The following NCAPD2 variants were observed in gnomAD, a reference collection of about 807,000 sequenced individuals.
NCAPD2 encodes non-SMC condensin I complex subunit D2, also known as condensin complex subunit 1.
Under a neutral mutation model 164.5 loss-of-function variants are expected in NCAPD2, and 100 were observed. The observed-to-expected ratio is 0.61, with a 90% confidence interval of 0.52 to 0.72. The LOEUF is 0.72. Among genes scored for constraint, NCAPD2 ranks in the 30% least tolerant of loss-of-function variants. NCAPD2 has a pLI of 0.00. For missense variants in NCAPD2, 1,560 were observed against 1,749.2 expected, an observed-to-expected ratio of 0.89 and a Z score of 1.93; for synonymous variants, 585 against 642.6, an observed-to-expected ratio of 0.91 and a Z score of 1.36.
At chr12:6,507,038 T>G (rs1946105199) in intron 2 of NCAPD2, among the ~76,000 whole-genome samples, 1 of 152,264 alleles carries the variant, frequency 6.6e-6, no homozygotes, top group African/African-American at 2.4e-5. Flanking sequence ...AGAATTTGGC[T>G]TCTACATACC....
At chr12:6,494,929 G>A in intron 1 of NCAPD2, 147 bp from the exon 2 acceptor site, 1 of 688,686 alleles carries the variant, frequency 1.5e-6, no homozygotes, top group Non-Finnish European at 2.4e-6. Context: ...TATGTTGGGG[G>A]TGGGGAACTA....
Position 6,514,765 on chromosome 12 carries a change from C to A in NCAPD2, c.840-8C>A. On this transcript the variant is annotated splice_region_variant and splice_polypyrimidine_tract_variant and intron_variant, in intron 8 of 31. Transcript: ENST00000315579. ...TGTTGCTATGGCTGTGTTTTCTTCC[C>A]TGTGTAGAGAGATTGGACAAAAGTG... is the stretch of plus-strand genomic sequence containing the variant. 6.2e-7 allele frequency: 1 copy of A among 1,614,026 alleles called. No homozygotes were observed. Among genetic ancestry groups the A allele is most frequent in the Non-Finnish European group, 8.5e-7 (1 of 1,179,934 alleles).
chr12:6,503,743 C>A (rs1346241846), intron 2 of NCAPD2, among the ~76,000 whole-genome samples: 2 of 149,502 alleles, frequency 1.3e-5, no homozygotes, highest in Non-Finnish European at 2.9e-5. Context: ...TGCACTTCAG[C>A]CTGGGTGACA....
rs779596854 is a variant in NCAPD2 at position 6,514,894 on chromosome 12, A to G, written c.961A>G (p.Ile321Val). ...VPAILMSSMC[I>V]LLDHLDGENY... ...AGCTATCCTGATGTCCAGCATGTGC[A>G]TTTTGCTAGATCACCTGGATGGAGA... The change falls in exon 9 of 32, where the codon ATT becomes GTT. Residue 321 changes from isoleucine to valine, a missense_variant. Coordinates refer to ENST00000315579, the MANE Select transcript of NCAPD2 (RefSeq NM_014865.4). 3.1e-6 allele frequency: 5 copies of G among 1,614,170 alleles called. No individual in the cohort carries two copies. In the South Asian group the frequency reaches 5.5e-5, roughly 18 times the overall value.
chr12:6,523,039 A>G, intron 16 of NCAPD2, 37 bp downstream of exon 16: 1 of 1,609,414 alleles, frequency 6.2e-7, no homozygotes, highest in Non-Finnish European at 8.5e-7. Flanking sequence ...GACTTTTCCA[A>G]GGTCAGCTTC....
rs1286710382 is a variant in NCAPD2, at chr12:6,529,693, G to C, written c.3654-82G>C. 12 of 1,601,172 alleles carry C rather than the reference G, an allele frequency of 7.5e-6. No homozygotes were observed. The Admixed American group carries it at 2.0e-4, about 27-fold the overall frequency. On this transcript the variant is annotated intron_variant, in intron 28 of 31. Coordinates refer to ENST00000315579, the MANE Select transcript of NCAPD2 (RefSeq NM_014865.4). ...TCAATGCCCCCACTGTGGCATCCCT[G>C]GGACTGGGGAGGCTGATGGGGAAGG...
At chr12:6,506,930 G>A (rs1375209551) in intron 2 of NCAPD2, among the ~76,000 whole-genome samples, 1 of 152,148 alleles carries the variant, frequency 6.6e-6, no homozygotes, top group Non-Finnish European at 1.5e-5. Flanking sequence ...CGTATTGTTC[G>A]AAGATTAATT....
At chr12:6,495,267 G>A (rs1343903413) in intron 2 of NCAPD2, 42 bp downstream of exon 2, 1 of 1,606,952 alleles carries the variant, frequency 6.2e-7, no homozygotes, top group Non-Finnish European at 8.5e-7. Flanking sequence ...TCTTTCAAAG[G>A]ACCATCTCAC....
chr12:6,530,996 G>T lies in NCAPD2; in HGVS notation c.4040G>T (p.Arg1347Leu). ...ACACCAGAGCCCCGCCGTACTACCC[G>T]TCGGCATCCAAACACCCAGCAGCGA... ...FVTPEPRRTTRRHPNTQQRAS... is the reference protein window; with the variant it reads ...FVTPEPRRTTLRHPNTQQRAS... Residue 1347 changes from arginine to leucine, a missense_variant, in exon 31 of 32, where the codon CGT (arginine) becomes CTT (leucine). Physicochemically the swap from Arg to Leu is moderately radical, Grantham distance 102. Coordinates refer to ENST00000315579, the MANE Select transcript of NCAPD2 (RefSeq NM_014865.4). The T allele has an allele frequency of 6.2e-7, 1 of 1,614,112 alleles. No individual in the cohort carries two copies. The highest frequency in any genetic ancestry group is 1.1e-5 in the South Asian group (1 of 91,072).
At chr12:6,508,648 C>T (rs1226584186) in intron 2 of NCAPD2, among the ~76,000 whole-genome samples, 1 of 152,128 alleles carries the variant, frequency 6.6e-6, no homozygotes, top group Non-Finnish European at 1.5e-5. Flanking sequence ...TTCATGGATG[C>T]TTCAATTAGT....
At chr12:6,501,227 A>AT (rs71067121) in intron 2 of NCAPD2, among the ~76,000 whole-genome samples, 3,515 of 69,156 alleles carry the variant, frequency 0.051, 257 homozygotes, top group East Asian at 0.14. Flanking sequence ...CGCCTGGCTA[A>AT]TTTTTTTTTT....
chr12:6,501,890 T>G (rs1172723383), intron 2 of NCAPD2, among the ~76,000 whole-genome samples: 1 of 152,182 alleles, frequency 6.6e-6, no homozygotes, highest in Non-Finnish European at 1.5e-5. Flanking sequence ...ACTACTGGAT[T>G]TATTGATGTC....
intron 4 of NCAPD2, 151 bp from the exon 5 acceptor site, chr12:6,510,478 A>G: frequency 1.1e-6 from 1 of 917,112 alleles, no homozygotes; most frequent in Non-Finnish European, 1.8e-6. Context: ...TATCAGGGCC[A>G]AGGGTCCTAA....
chr12:6,517,963 G>C lies in NCAPD2; in HGVS notation c.1589+4G>C. ...TGCTTGCCAAAGCTAGTTACAAGTA[G>C]GCAAAAGAATGGGATATTCTTCGTG... On this transcript the variant is annotated splice_donor_region_variant and intron_variant, in intron 13 of 31. Transcript: ENST00000315579. 6.2e-7 allele frequency: 1 copy of C among 1,612,874 alleles called. No homozygotes were observed. Among genetic ancestry groups the C allele is most frequent in the Non-Finnish European group, 8.5e-7 (1 of 1,179,682 alleles).
In NCAPD2 at chr12:6,531,761, A is replaced by G. The variant is rs1031187386; in HGVS notation, c.*349A>G. 1 of 296,912 alleles carries G rather than the reference A, an allele frequency of 3.4e-6. No individual in the cohort carries two copies. Among genetic ancestry groups the G allele is most frequent in the Non-Finnish European group, 6.5e-6 (1 of 153,926 alleles). The allele number at this position is 296,912 out of a possible 1,614,324, so 18.4% of individuals were successfully genotyped here. A position where few individuals can be genotyped will look rare whatever the true frequency, so the allele number is the denominator to read the frequency against. ...GGAGGTTGTAGTGAGCCGAAATCAC[A>G]CCATTGCACTCCAGCTTGGGCAACA... is the stretch of plus-strand genomic sequence containing the variant. On this transcript the variant is annotated 3_prime_UTR_variant, in exon 32 of 32. Coordinates refer to ENST00000315579, the MANE Select transcript of NCAPD2 (RefSeq NM_014865.4). This position sits in a 1 kb window ranked among gnomAD's most constrained non-coding sequence, Gnocchi z 4.1.
At position 6,511,096 on chromosome 12, in the gene NCAPD2, A is replaced by T. The variant is rs769809532; in HGVS notation, c.445-14A>T. ...CCCTTATTTTTTCCTCAATGTATAC[A>T]TGATCCTTTTTAGGGTAAGAAAGCT... On this transcript the variant is annotated splice_polypyrimidine_tract_variant and intron_variant, in intron 5 of 31. Transcript: ENST00000315579. 47 of 1,613,356 alleles carry T rather than the reference A, an allele frequency of 2.9e-5. No homozygotes were observed. The South Asian group carries it at 4.8e-4, about 17-fold the overall frequency.
chr12:6,512,485 C>T (rs575909990), intron 6 of NCAPD2, among the ~76,000 whole-genome samples: 23 of 152,312 alleles, frequency 1.5e-4, no homozygotes, highest in Admixed American at 1.3e-3. Flanking sequence ...ATGTCCAGCA[C>T]GTACGAGCAA....
At position 6,522,910 on chromosome 12, in the gene NCAPD2, G is replaced by T. The variant is rs558905248; in HGVS notation, c.2037G>T (p.Leu679=). ...PQALFGVRRM[L]PLIWSKEPGV... is the part of the protein sequence containing the mutation. ...CCCTGTTTGGGGTGCGCCGTATGCT[G>T]CCTCTCATCTGGTCTAAGGAGCCTG... is the stretch of plus-strand genomic sequence containing the variant. The change falls in exon 16 of 32, where the codon CTG becomes CTT. Residue 679 remains leucine (L), a synonymous_variant. Coordinates refer to ENST00000315579, the MANE Select transcript of NCAPD2 (RefSeq NM_014865.4). 6.2e-7 allele frequency: 1 copy of T among 1,614,194 alleles called. No homozygotes were observed.
rs1191575205 is a variant in NCAPD2, at chr12:6,528,017, C to G, written c.3069C>G (p.Asn1023Lys). 1.2e-6 allele frequency: 2 copies of G among 1,614,142 alleles called. No homozygotes were observed. The highest frequency in any genetic ancestry group is 1.7e-6 in the Non-Finnish European group (2 of 1,180,058). The stretch of plus-strand genomic sequence containing the variant: ...TTCCACTCTTGCTTAAAGTCTGTAA[C>G]AACCCAGGCCTCTATAGCAACCCAG... ...AFVPLLLKVCNNPGLYSNPDL... is the reference protein window; with the variant it reads ...AFVPLLLKVCKNPGLYSNPDL... The change falls in exon 24 of 32, where the codon AAC (asparagine) becomes AAG (lysine). Residue 1023 changes from asparagine to lysine, a missense_variant. By Grantham distance (94) the Asn-to-Lys change is moderately conservative. Transcript: ENST00000315579. This position sits in a 1 kb window ranked among gnomAD's most constrained non-coding sequence, Gnocchi z 5.1.
Sources: allele counts gnomAD v4.1 joint callset (sites outside exome capture counted in the v4.1 genomes callset), GRCh38; gene constraint gnomAD v4.1.1; non-coding constraint Gnocchi (gnomAD v3.1); transcripts MANE v1.5; gene names NCBI Gene and HGNC (gene_info 2026-07-23, HGNC 2026-07-21).